FGF14: variants seen among roughly 807,000 people sequenced by gnomAD.
FGF14 encodes fibroblast growth factor homologous factor 4.
FGF14 carries 5 observed loss-of-function variants against 25.5 expected under a neutral mutation model. That is an observed-to-expected ratio of 0.20 (90% CI 0.10 to 0.41). The LOEUF (loss-of-function observed/expected upper bound fraction) is 0.41. FGF14 is among the 10% of genes least tolerant of loss of function. The pLI, the probability that FGF14 is intolerant of heterozygous loss-of-function variation, is 1.00. For missense variants in FGF14, 222 were observed against 320.1 expected, an observed-to-expected ratio of 0.69 and a Z score of 2.34; for synonymous variants, 138 against 118.3, an observed-to-expected ratio of 1.17 and a Z score of -1.08.
At chr13:101,822,596 C>T (rs1594377732) in intron 3 of FGF14, among the ~76,000 whole-genome samples, 1 of 151,610 alleles carries the variant, frequency 6.6e-6, no homozygotes, top group South Asian at 2.1e-4. Flanking sequence ...TCTTCCAATT[C>T]ATGACTATGG....
chr13:102,288,862 G>A (rs2054239100), intron 1 of FGF14, among the ~76,000 whole-genome samples: 1 of 152,132 alleles, frequency 6.6e-6, no homozygotes, highest in African/African-American at 2.4e-5. Flanking sequence ...TGGGATTACA[G>A]GCATGAGCCA....
chr13:102,041,812 T>C (rs2041756644), intron 1 of FGF14, among the ~76,000 whole-genome samples: 1 of 152,266 alleles, frequency 6.6e-6, no homozygotes, highest in Non-Finnish European at 1.5e-5. Flanking sequence ...GAGAACTACC[T>C]ATCTAGGTGA....
At chr13:101,968,821 A>G (rs2139521587) in intron 1 of FGF14, among the ~76,000 whole-genome samples, 1 of 146,288 alleles carries the variant, frequency 6.8e-6, no homozygotes, top group African/African-American at 2.5e-5. Context: ...CTCACTTTTC[A>G]TTTGTTCTGT....
At chr13:102,203,864 T>C (rs956023537) in intron 1 of FGF14, among the ~76,000 whole-genome samples, 20 of 152,344 alleles carry the variant, frequency 1.3e-4, no homozygotes, top group African/African-American at 4.6e-4. Context: ...AGTTGGACTG[T>C]ATGATTGGAA....
At chr13:102,287,312 G>T (rs1440911729) in intron 1 of FGF14, among the ~76,000 whole-genome samples, 1 of 152,008 alleles carries the variant, frequency 6.6e-6, no homozygotes, top group African/African-American at 2.4e-5. Flanking sequence ...CTAAGACAAT[G>T]AAATTAAATG....
intron 1 of FGF14, among the ~76,000 whole-genome samples, chr13:102,182,898 A>C (rs1028749833): frequency 1.3e-5 from 2 of 152,162 alleles, no homozygotes; most frequent in Non-Finnish European, 2.9e-5. Flanking sequence ...GCATCTAAAA[A>C]CTTGATTTGT....
intron 1 of FGF14, among the ~76,000 whole-genome samples, chr13:102,020,158 G>A (rs74108962): frequency 0.022 from 3,337 of 152,188 alleles, 114 homozygotes; most frequent in African/African-American, 0.074. Flanking sequence ...GGAGTGTGGA[G>A]GAAATGGGCT....
Position 101,721,826 on chromosome 13 carries a change from G to T in FGF14, c.*1005C>A, listed in dbSNP as rs767732567. ...TATATCTGAAATGGATTTAGGTAGC[G>T]CAATTCTTGTAGGTTATAATTACTG... On this transcript the variant is annotated 3_prime_UTR_variant, in exon 5 of 5. Coordinates refer to ENST00000376143, the MANE Select transcript of FGF14 (RefSeq NM_004115.4). 1 of 150,710 alleles carries T rather than the reference G, an allele frequency of 6.6e-6. No homozygotes were observed. Among genetic ancestry groups the T allele is most frequent in the East Asian group, 2.0e-4 (1 of 5,120 alleles). 9.3% of individuals were successfully genotyped at this position (150,710 alleles called of 1,614,324 possible).
chr13:102,161,692 A>T (rs1212591324), intron 1 of FGF14, among the ~76,000 whole-genome samples: 21,195 of 106,004 alleles, frequency 0.2, 1,752 homozygotes, highest in Admixed American at 0.27. Context: ...GAAGAAGAAG[A>T]AGAAGAAGAA....
intron 1 of FGF14, among the ~76,000 whole-genome samples, chr13:102,352,989 T>A (rs370088913): frequency 6.6e-6 from 1 of 152,012 alleles, no homozygotes; most frequent in East Asian, 1.9e-4. Context: ...GAATCAAGAG[T>A]TTAGATTTAC....
At position 102,281,660 on chromosome 13, in the gene FGF14, C is replaced by T. The variant is rs974903395; in HGVS notation, c.208+119811G>A. Among the ~76,000 whole-genome samples, 54 of 150,968 alleles carry T rather than the reference C, an allele frequency of 3.6e-4. 3 individuals are homozygous for T. The highest frequency in any genetic ancestry group is 2.9e-3 in the Admixed American group (44 of 15,176). On this transcript the variant is annotated intron_variant, in intron 1 of 4. Coordinates refer to the FGF14 transcript ENST00000376131. ...GGAATCTTTGACTCTGTTTATCTTA[C>T]GTATTCCACTATTGCTCTGATCCTA...
intron 1 of FGF14, among the ~76,000 whole-genome samples, chr13:102,006,898 C>A (rs184028255): frequency 0.059 from 8,958 of 150,580 alleles, 326 homozygotes; most frequent in Middle Eastern, 0.082. Context: ...GCGCCCGCCA[C>A]CGCGCCTGGC....
intron 1 of FGF14, among the ~76,000 whole-genome samples, chr13:102,094,266 T>A (rs949245993): frequency 2.6e-5 from 4 of 152,222 alleles, no homozygotes; most frequent in Non-Finnish European, 4.4e-5. Flanking sequence ...AGTCATGGTA[T>A]GACAACTTAA....
At chr13:101,794,156 C>A (rs989436539) in intron 3 of FGF14, among the ~76,000 whole-genome samples, 2 of 151,178 alleles carry the variant, frequency 1.3e-5, no homozygotes, top group African/African-American at 4.8e-5. Flanking sequence ...TCCTCTCCAT[C>A]TTTGTCTCTC....
At chr13:101,790,317 C>A (rs1299825641) in intron 3 of FGF14, among the ~76,000 whole-genome samples, 1 of 151,876 alleles carries the variant, frequency 6.6e-6, no homozygotes, top group Non-Finnish European at 1.5e-5. Context: ...AAGAACTAAG[C>A]TGTTCCTAAT....
At chr13:101,791,906 A>G (rs1476680390) in intron 3 of FGF14, among the ~76,000 whole-genome samples, 3 of 152,164 alleles carry the variant, frequency 2.0e-5, no homozygotes, top group Non-Finnish European at 4.4e-5. Context: ...ATGTGTTTAT[A>G]TATTGGCATT....
rs111467365 is a variant in FGF14, at chr13:102,362,149, AT to A, written c.208+39321del. ...AGAAGACTCTAAATTCATTGCCATG[AT>A]AGTCCAGGCCCTTATAATTATGGCC... On this transcript the variant is annotated intron_variant, in intron 1 of 4. Coordinates refer to the FGF14 transcript ENST00000376131. Among the ~76,000 whole-genome samples the A allele has an allele frequency of 7.8e-3, 1,185 of 152,256 alleles. 13 individuals carry two copies. The highest frequency in any genetic ancestry group is 0.027 in the African/African-American group (1,130 of 41,546).
chr13:101,722,752 C>G lies in FGF14; in HGVS notation c.*79G>C. 1.3e-6 allele frequency: 2 copies of G among 1,585,238 alleles called. No individual in the cohort carries two copies. Among genetic ancestry groups the G allele is most frequent in the Non-Finnish European group, 1.7e-6 (2 of 1,155,114 alleles). On this transcript the variant is annotated 3_prime_UTR_variant, in exon 5 of 5. Transcript: ENST00000376143. ...CTTACTTCCTGCTGCTCTTCAGCCA[C>G]GGAGCAGGAATGTCTGGTGAGGATA...
chr13:101,809,877 T>C (rs1211909737), intron 3 of FGF14, among the ~76,000 whole-genome samples: 5 of 152,070 alleles, frequency 3.3e-5, no homozygotes, highest in East Asian at 1.9e-4. Flanking sequence ...AATTCACATC[T>C]TATAGAGGAA....
Sources: allele counts gnomAD v4.1 joint callset (sites outside exome capture counted in the v4.1 genomes callset), GRCh38; gene constraint gnomAD v4.1.1; transcripts MANE v1.5; gene names NCBI Gene and HGNC (gene_info 2026-07-23, HGNC 2026-07-21).